The following PRIM2 variants were observed in gnomAD, a reference collection of about 807,000 sequenced individuals.
PRIM2 encodes the protein DNA primase large subunit.
Under a neutral mutation model 67.3 loss-of-function variants are expected in PRIM2, and 39 were observed. The ratio of observed to expected loss-of-function variants is 0.58; its 90% CI spans 0.45 to 0.76. The LOEUF (loss-of-function observed/expected upper bound fraction) is 0.76, where lower values mean the gene tolerates loss of function less well. PRIM2 is among the 30% of genes least tolerant of loss of function. PRIM2 has a pLI of 0.00. For missense variants in PRIM2, 398 were observed against 598.7 expected, an observed-to-expected ratio of 0.66 and a Z score of 3.50; for synonymous variants, 143 against 198.7, an observed-to-expected ratio of 0.72 and a Z score of 2.36.
chr6:57,541,184 A>G (rs1775141334), intron 10 of PRIM2, among the ~76,000 whole-genome samples: 1 of 152,222 alleles, frequency 6.6e-6, no homozygotes, highest in Non-Finnish European at 1.5e-5. Flanking sequence ...TTGTAAATAG[A>G]TAATGTAAAC....
intron 8 of PRIM2, among the ~76,000 whole-genome samples, chr6:57,510,471 G>A (rs1224333111): frequency 1.3e-5 from 2 of 152,012 alleles, no homozygotes; most frequent in African/African-American, 2.4e-5. Flanking sequence ...TATGGTAATT[G>A]CCAGCTAGAA....
chr6:57,427,118 G>C (rs2127376358), intron 7 of PRIM2, among the ~76,000 whole-genome samples: 1 of 152,130 alleles, frequency 6.6e-6, no homozygotes, highest in South Asian at 2.1e-4. Context: ...TTATCACCCT[G>C]GCAGAAATTG....
chr6:57,599,597 A>G (rs1776425024), intron 10 of PRIM2, among the ~76,000 whole-genome samples: 1 of 151,924 alleles, frequency 6.6e-6, no homozygotes, highest in Non-Finnish European at 1.5e-5. Context: ...TTATCATGCT[A>G]TTTTCTATTA....
intron 7 of PRIM2, among the ~76,000 whole-genome samples, chr6:57,477,836 G>A (rs1481528061): frequency 2.6e-5 from 4 of 152,166 alleles, no homozygotes; most frequent in African/African-American, 9.7e-5. Flanking sequence ...GTGATTATAA[G>A]CAATATTTTT....
intron 7 of PRIM2, among the ~76,000 whole-genome samples, chr6:57,422,857 T>A (rs1562744949): frequency 6.6e-6 from 1 of 152,150 alleles, no homozygotes; most frequent in Admixed American, 6.6e-5. Context: ...TAAGAAAGGA[T>A]GGAAACAAAT....
chr6:57,309,798 C>T, the PRIM2 span, among the ~76,000 whole-genome samples: 1 of 152,206 alleles, frequency 6.6e-6, no homozygotes, highest in Admixed American at 6.5e-5. Flanking sequence ...TAAAAGTGTT[C>T]CTATTTCTCC....
At chr6:57,289,134 C>G in the PRIM2 span, among the ~76,000 whole-genome samples, 1 of 152,144 alleles carries the variant, frequency 6.6e-6, no homozygotes, top group East Asian at 1.9e-4. Flanking sequence ...CTGAAAACCA[C>G]AGCACGAGAA....
At chr6:57,250,244 T>C in the PRIM2 span, among the ~76,000 whole-genome samples, 1 of 152,374 alleles carries the variant, frequency 6.6e-6, no homozygotes, top group South Asian at 2.1e-4. Context: ...ACAATATGTG[T>C]CATTTTTCTA....
chr6:57,537,302 C>T (rs1456922373), intron 9 of PRIM2, 138 bp from the exon 10 acceptor site: 4 of 444,738 alleles, frequency 9.0e-6, no homozygotes, highest in African/African-American at 8.0e-5. Context: ...TCATCTGTAA[C>T]CACAGTAATA....
intron 10 of PRIM2, among the ~76,000 whole-genome samples, chr6:57,576,761 TG>T (rs1775970318): frequency 6.7e-6 from 1 of 148,168 alleles, no homozygotes; most frequent in African/African-American, 2.6e-5. Context: ...GTGGTGTTTA[TG>T]TAGGTAAATG....
chr6:57,272,385 C>G, the PRIM2 span, among the ~76,000 whole-genome samples: 24 of 152,040 alleles, frequency 1.6e-4, no homozygotes, highest in Admixed American at 9.8e-4. Flanking sequence ...ATGTAATGGC[C>G]TTCTTTGTCT....
At chr6:57,466,667 TG>T (rs1264724547) in intron 7 of PRIM2, among the ~76,000 whole-genome samples, 2 of 152,228 alleles carry the variant, frequency 1.3e-5, no homozygotes, top group African/African-American at 2.4e-5. Flanking sequence ...TTGAAGGGAT[TG>T]TTTTTTTCTT....
At chr6:57,324,840 C>T (rs1016563613) in intron 4 of PRIM2, among the ~76,000 whole-genome samples, 2 of 151,966 alleles carry the variant, frequency 1.3e-5, no homozygotes, top group Non-Finnish European at 2.9e-5. Flanking sequence ...AATTAATAAG[C>T]TTATCAAGTG....
intron 10 of PRIM2, among the ~76,000 whole-genome samples, chr6:57,571,772 A>C (rs1775867393): frequency 6.6e-6 from 1 of 152,248 alleles, no homozygotes; most frequent in South Asian, 2.1e-4. Context: ...GGTTCCAGCA[A>C]ATTTGGCAAA....
At chr6:57,310,373 G>C, upstream of PRIM2, among the ~76,000 whole-genome samples, 1 of 152,204 alleles carries the variant, frequency 6.6e-6, no homozygotes, top group Non-Finnish European at 1.5e-5. Context: ...TGAGGGTAAG[G>C]TTATAGATTA....
intron 13 of PRIM2, among the ~76,000 whole-genome samples, chr6:57,633,666 G>C (rs1218363970): frequency 6.6e-6 from 1 of 152,070 alleles, no homozygotes; most frequent in African/African-American, 2.4e-5. Context: ...TTTTTCCATG[G>C]TTAAACAGGG....
At chr6:57,506,736 G>T (rs1774258600) in intron 7 of PRIM2, among the ~76,000 whole-genome samples, 1 of 151,940 alleles carries the variant, frequency 6.6e-6, no homozygotes. Flanking sequence ...TAATATTATT[G>T]TAATAAAATA....
chr6:57,224,293 CAT>C, the PRIM2 span, among the ~76,000 whole-genome samples: 16 of 152,134 alleles, frequency 1.1e-4, no homozygotes, highest in African/African-American at 3.6e-4. Flanking sequence ...AATTCTGACA[CAT>C]GTTATAGCAT....
chr6:57,418,449 T>C (rs1392030765), intron 7 of PRIM2, among the ~76,000 whole-genome samples: 1 of 131,294 alleles, frequency 7.6e-6, no homozygotes, highest in Non-Finnish European at 1.6e-5. Flanking sequence ...CAGGCTGGAG[T>C]GCAGTGGCAT....
Sources: allele counts gnomAD v4.1 joint callset (sites outside exome capture counted in the v4.1 genomes callset), GRCh38; gene constraint gnomAD v4.1.1; transcripts MANE v1.5; gene names NCBI Gene and HGNC (gene_info 2026-07-23, HGNC 2026-07-21).